SLFN12L: variants seen among roughly 807,000 people sequenced by gnomAD.
SLFN12L encodes the protein schlafen family member 12 like.
SLFN12L carries 34 observed loss-of-function variants against 34.8 expected under a neutral mutation model. That is an observed-to-expected ratio of 0.98 (90% CI 0.74 to 1.30). The LOEUF is 1.30. Ranked by LOEUF, SLFN12L falls within the 50% of genes most tolerant of loss-of-function variation. The pLI is 0.00. For synonymous variants in SLFN12L, 259 were observed against 247.5 expected, an observed-to-expected ratio of 1.05 and a Z score of -0.44; for missense variants, 703 against 696.2, an observed-to-expected ratio of 1.01 and a Z score of -0.11.
rs12449487 is a variant in SLFN12L, at chr17:35,465,530, G to C, written c.*9393C>G. Among the ~76,000 whole-genome samples the C allele has an allele frequency of 2.0e-5, 3 of 151,496 alleles. No individual in the cohort carries two copies. The highest frequency in any genetic ancestry group is 1.3e-4 in the Admixed American group (2 of 15,198). ...TAAATCCCATTAAAATAGTTAATAT[G>C]GTTCAATGTAAGTTAAAATAGGCCC... is the stretch of plus-strand genomic sequence containing the variant. On this transcript the variant is annotated 3_prime_UTR_variant, in exon 5 of 5. Transcript: ENST00000628453.
intron 2 of SLFN12L, among the ~76,000 whole-genome samples, chr17:35,506,817 T>C (rs1915477443): frequency 6.6e-6 from 1 of 152,054 alleles, no homozygotes; most frequent in Non-Finnish European, 1.5e-5. Flanking sequence ...CTCAAAAGAC[T>C]CACCCTGATA....
intron 2 of SLFN12L, among the ~76,000 whole-genome samples, chr17:35,484,300 A>G (rs1335223213): frequency 6.6e-6 from 1 of 152,222 alleles, no homozygotes; most frequent in African/African-American, 2.4e-5. Flanking sequence ...CTAGGGAAAT[A>G]TTTAGAAACA....
In SLFN12L at chr17:35,472,846, C is replaced by T. The variant is rs1464386166; in HGVS notation, c.*2077G>A. On this transcript the variant is annotated 3_prime_UTR_variant, in exon 5 of 5. Transcript: ENST00000628453. ...TTTCCTTGAGCAGTGGTTTGTAGTT[C>T]TCCTTGAAGAGGTCCTTCACATCCC... Among the ~76,000 whole-genome samples, 2 of 152,108 alleles carry T rather than the reference C, an allele frequency of 1.3e-5. No homozygotes were observed. Among genetic ancestry groups the T allele is most frequent in the African/African-American group, 2.4e-5 (1 of 41,424 alleles).
intron 2 of SLFN12L, among the ~76,000 whole-genome samples, chr17:35,484,460 T>C (rs527308224): frequency 5.4e-4 from 83 of 152,346 alleles, no homozygotes; most frequent in African/African-American, 1.9e-3. Flanking sequence ...TTCCATGTTC[T>C]GGAATGCCCT....
rs769687224 is a variant in SLFN12L at position 35,479,218 on chromosome 17, G to A, written c.1064C>T (p.Ala355Val). ...YALRVERFCC[A>V]VFAKKPDSWH... is the part of the protein sequence containing the mutation. ...GGAATCAGGCTTTTTAGCAAACACT[G>A]CACAGCAGAAGCGTTCCACTCTGAG... The change falls in exon 3 of 5, where the codon GCA becomes GTA. Residue 355 changes from alanine to valine, a missense_variant. By Grantham distance (64) the Ala-to-Val change is moderately conservative (BLOSUM62 0). Coordinates refer to ENST00000628453, the MANE Select transcript of SLFN12L (RefSeq NM_001363830.2). The A allele has an allele frequency of 2.8e-5, 45 of 1,587,644 alleles. No individual in the cohort carries two copies. The South Asian group carries it at 5.1e-4, about 18-fold the overall frequency.
At chr17:35,482,442 G>T (rs750707448) in intron 2 of SLFN12L, among the ~76,000 whole-genome samples, 1 of 152,186 alleles carries the variant, frequency 6.6e-6, no homozygotes, top group Non-Finnish European at 1.5e-5. Context: ...CTTCCAAGTT[G>T]GGACGTGAGC....
rs1913815305 is a variant in SLFN12L at position 35,471,889 on chromosome 17, T to C, written c.*3034A>G. The stretch of plus-strand genomic sequence containing the variant: ...TTTGAGAAATGTCTATTCATATCCT[T>C]TATCCACTTTTCAATGGGGTTGTTT... On this transcript the variant is annotated 3_prime_UTR_variant, in exon 5 of 5. Coordinates refer to ENST00000628453, the MANE Select transcript of SLFN12L (RefSeq NM_001363830.2). Among the ~76,000 whole-genome samples the C allele has an allele frequency of 6.6e-6, 1 of 152,186 alleles. No individual in the cohort carries two copies. Among genetic ancestry groups the C allele is most frequent in the South Asian group, 2.1e-4 (1 of 4,826 alleles).
At chr17:35,488,479 C>T (rs1422311954) in intron 2 of SLFN12L, among the ~76,000 whole-genome samples, 1 of 152,228 alleles carries the variant, frequency 6.6e-6, no homozygotes, top group South Asian at 2.1e-4. Flanking sequence ...AGTGGCTCCT[C>T]TAACTGGATA....
intron 2 of SLFN12L, among the ~76,000 whole-genome samples, chr17:35,512,775 G>A (rs1364607434): frequency 6.6e-6 from 1 of 152,260 alleles, no homozygotes; most frequent in Admixed American, 6.5e-5. Flanking sequence ...ACTGTGAAAT[G>A]AAGACGATAT....
chr17:35,536,734 G>A (rs2072464973), intron 1 of SLFN12L, among the ~76,000 whole-genome samples: 1 of 151,866 alleles, frequency 6.6e-6, no homozygotes, highest in Non-Finnish European at 1.5e-5. Flanking sequence ...CTTGAGCCTA[G>A]GGAGGTTGAG....
chr17:35,479,284 C>T lies in SLFN12L; in HGVS notation c.998G>A (p.Gly333Glu). The change falls in exon 3 of 5, where the codon GGA becomes GAA. Residue 333 changes from glycine (G) to glutamate (E), a missense_variant. Gly to Glu is a moderately conservative substitution (Grantham distance 98, BLOSUM62 -2). Transcript: ENST00000628453. ...GTINYLCKFL[G>E]VYDKGRLCGY... Reference sequence around the variant, plus strand: ...ACAAAGCCTTCCTTTATCATATACTCCAAGGAATTTGCATAAGTAATTTAT... The same window carrying T: ...ACAAAGCCTTCCTTTATCATATACTTCAAGGAATTTGCATAAGTAATTTAT... 1 of 1,591,138 alleles carries T rather than the reference C, an allele frequency of 6.3e-7. No individual in the cohort carries two copies. The highest frequency in any genetic ancestry group is 8.6e-7 in the Non-Finnish European group (1 of 1,167,204).
rs546862644 is a variant in SLFN12L, at chr17:35,505,077, A to G, written c.86+17202T>C. 2.6e-5 allele frequency among the ~76,000 whole-genome samples: 4 copies of G among 152,332 alleles called. No homozygotes were observed. In the East Asian group the frequency reaches 7.7e-4, roughly 29 times the overall value. The stretch of plus-strand genomic sequence containing the variant: ...AAGTCCCATGAGGAATACCAGATCA[A>G]TTTAAAGCCCAAAATCAAATAGCTG... On this transcript the variant is annotated intron_variant, in intron 2 of 4. Coordinates refer to ENST00000628453, the MANE Select transcript of SLFN12L (RefSeq NM_001363830.2).
chr17:35,480,997 T>C (rs950252614), intron 2 of SLFN12L, among the ~76,000 whole-genome samples: 1 of 152,194 alleles, frequency 6.6e-6, no homozygotes, highest in Non-Finnish European at 1.5e-5. Flanking sequence ...ATTATAATAA[T>C]CTTTGTTCTA....
chr17:35,476,392 G>A (rs1914005164), intron 4 of SLFN12L, among the ~76,000 whole-genome samples: 1 of 151,306 alleles, frequency 6.6e-6, no homozygotes, highest in Admixed American at 6.6e-5. Context: ...CTTGAGCCCA[G>A]GAGTTTGAGA....
intron 2 of SLFN12L, among the ~76,000 whole-genome samples, chr17:35,489,604 C>A (rs74883340): frequency 0.021 from 3,121 of 151,982 alleles, 51 homozygotes; most frequent in Non-Finnish European, 0.032. Context: ...ATATACCCCC[C>A]AAAATTATAT....
At chr17:35,530,420 AGGAAGGAAG>A (rs1241847012) in intron 1 of SLFN12L, among the ~76,000 whole-genome samples, 396 of 10,124 alleles carry the variant, frequency 0.039, 61 homozygotes, top group East Asian at 0.14. Flanking sequence ...GAAGGAAGGA[AGGAAGGAAG>A]GGAAGGGAAG....
At chr17:35,500,099 G>A (rs1246480678) in intron 2 of SLFN12L, 1 of 152,180 alleles carries the variant, frequency 6.6e-6, no homozygotes, top group African/African-American at 2.4e-5. Flanking sequence ...TACAGTTAAT[G>A]ATAAGGATAT....
At chr17:35,528,643 C>T (rs1190515152) in intron 1 of SLFN12L, among the ~76,000 whole-genome samples, 1 of 152,116 alleles carries the variant, frequency 6.6e-6, no homozygotes, top group East Asian at 1.9e-4. Flanking sequence ...TAGCCACATG[C>T]AGAAAACTGA....
chr17:35,469,913 A>G lies in SLFN12L; in HGVS notation c.*5010T>C, dbSNP rs1471374182. On this transcript the variant is annotated 3_prime_UTR_variant, in exon 5 of 5. Coordinates refer to ENST00000628453, the MANE Select transcript of SLFN12L (RefSeq NM_001363830.2). ...GCCCAGCTGGACCTTTCCCACAGAA[A>G]CCCTAATAATAAAGGTTCCGAATTA... Among the ~76,000 whole-genome samples the G allele has an allele frequency of 6.6e-6, 1 of 152,024 alleles. No individual in the cohort carries two copies. The highest frequency in any genetic ancestry group is 1.5e-5 in the Non-Finnish European group (1 of 67,996).
Sources: allele counts gnomAD v4.1 joint callset (sites outside exome capture counted in the v4.1 genomes callset), GRCh38; gene constraint gnomAD v4.1.1; transcripts MANE v1.5; gene names NCBI Gene and HGNC (gene_info 2026-07-23, HGNC 2026-07-21).